TIAM1: variants seen among roughly 807,000 people sequenced by gnomAD.
TIAM1 encodes the protein rho guanine nucleotide exchange factor TIAM1.
A neutral mutation model predicts 163.5 loss-of-function variants in TIAM1; 65 were observed. That is an observed-to-expected ratio of 0.40 (90% confidence interval 0.33 to 0.49). The LOEUF (loss-of-function observed/expected upper bound fraction) is 0.49, where lower values mean the gene tolerates loss of function less well. TIAM1 is among the 20% of genes least tolerant of loss of function. The pLI is 0.77. For missense variants in TIAM1, 1,789 were observed against 2,044.7 expected (o/e 0.87, Z 2.41); for synonymous variants, 833 against 810.1 (o/e 1.03, Z -0.48).
chr21:31,170,519 G>A (rs2084451436), intron 15 of TIAM1, among the ~76,000 whole-genome samples: 1 of 151,986 alleles, frequency 6.6e-6, no homozygotes, highest in East Asian at 1.9e-4. Flanking sequence ...TAACACCCAG[G>A]ACAGTTTTTA....
At chr21:31,508,203 C>T (rs1210567925) in intron 1 of TIAM1, among the ~76,000 whole-genome samples, 1 of 151,144 alleles carries the variant, frequency 6.6e-6, no homozygotes, top group Non-Finnish European at 1.5e-5. Flanking sequence ...CTTCGAGCCT[C>T]CTGAACTGTG....
intron 1 of TIAM1, among the ~76,000 whole-genome samples, chr21:31,525,748 C>A (rs2047757772): frequency 6.6e-6 from 1 of 151,882 alleles, no homozygotes; most frequent in South Asian, 2.1e-4. Context: ...ATTATGTCAT[C>A]CGACGCCAGG....
chr21:31,462,812 C>T (rs527853443), intron 2 of TIAM1, among the ~76,000 whole-genome samples: 4 of 150,174 alleles, frequency 2.7e-5, no homozygotes, highest in Admixed American at 6.7e-5. Context: ...ATGCAATCTT[C>T]GCTCACTGCA....
rs2076374256 is a variant in TIAM1 at position 31,359,792 on chromosome 21, GAAAA to G, written c.-368-20374_-368-20371del. Among the ~76,000 whole-genome samples, 10 of 107,186 alleles carry G rather than the reference GAAAA, an allele frequency of 9.3e-5. No homozygotes were observed. In the Admixed American group the frequency reaches 9.4e-4, roughly 10 times the overall value. 70.3% of individuals were successfully genotyped at this position (107,186 alleles called of 152,430 possible). A position where few individuals can be genotyped will look rare whatever the true frequency, so the allele number is the denominator to read the frequency against. The stretch of plus-strand genomic sequence containing the variant: ...GACAGTCCACAACTCTGTCAAAAGA[GAAAA>G]AGAAAGAAAAAGGAAGGAAGGAAGG... On this transcript the variant is annotated intron_variant, in intron 2 of 28. Coordinates refer to the TIAM1 transcript ENST00000286827.
At chr21:31,309,609 G>A (rs2074847950) in intron 2 of TIAM1, among the ~76,000 whole-genome samples, 2 of 152,196 alleles carry the variant, frequency 1.3e-5, no homozygotes, top group African/African-American at 2.4e-5. Flanking sequence ...GGAGAGTCTG[G>A]CTGGCGTCCT....
intron 2 of TIAM1, among the ~76,000 whole-genome samples, chr21:31,338,338 TG>T (rs949534068): frequency 1.5e-4 from 23 of 152,304 alleles, no homozygotes; most frequent in African/African-American, 5.5e-4. Context: ...TCTCCTATTG[TG>T]TTCAATTTCT....
intron 2 of TIAM1, among the ~76,000 whole-genome samples, chr21:31,351,339 T>C (rs942545181): frequency 2.0e-5 from 3 of 152,212 alleles, no homozygotes; most frequent in African/African-American, 7.2e-5. Context: ...ACTTGCTGTA[T>C]GTTCCACTCA....
chr21:31,203,101 A>T (rs2086283934), intron 11 of TIAM1, 89 bp from the exon 12 acceptor site: 1 of 1,063,116 alleles, frequency 9.4e-7, no homozygotes, highest in African/African-American at 1.6e-5. Flanking sequence ...ATGTATTCCT[A>T]TGACCAATAG....
At chr21:31,212,067 T>G (rs1002634655) in intron 10 of TIAM1, among the ~76,000 whole-genome samples, 1 of 152,186 alleles carries the variant, frequency 6.6e-6, no homozygotes, top group African/African-American at 2.4e-5. Flanking sequence ...GCCCAAAAAC[T>G]GAATTTCTTC....
chr21:31,306,110 C>A (rs2074700735), intron 2 of TIAM1, among the ~76,000 whole-genome samples: 1 of 128,642 alleles, frequency 7.8e-6, no homozygotes. Context: ...CCACCAAGAC[C>A]TCATCTCTAC....
At chr21:31,334,982 G>A (rs868779474) in intron 2 of TIAM1, among the ~76,000 whole-genome samples, 5 of 152,162 alleles carry the variant, frequency 3.3e-5, no homozygotes, top group Middle Eastern at 3.4e-3. Flanking sequence ...AGGAGTTCCC[G>A]GAGTGGCCAT....
rs543628156 is a variant in TIAM1, at chr21:31,505,612, A to G, written c.-421-41577T>C. Reference sequence around the variant, plus strand: ...ATTGCAGAGAATTGTGGGGGAAAAAATCAGTGGATCAGCATTACCGTCTTA... The same window carrying G: ...ATTGCAGAGAATTGTGGGGGAAAAAGTCAGTGGATCAGCATTACCGTCTTA... On this transcript the variant is annotated intron_variant, in intron 1 of 28. Transcript: ENST00000286827. Among the ~76,000 whole-genome samples, 7 of 152,216 alleles carry G rather than the reference A, an allele frequency of 4.6e-5. No homozygotes were observed. In the South Asian group the frequency reaches 1.5e-3, roughly 32 times the overall value.
rs963907529 is a variant in TIAM1 at position 31,395,258 on chromosome 21, G to C, written c.-368-55836C>G. Among the ~76,000 whole-genome samples, 6 of 151,912 alleles carry C rather than the reference G, an allele frequency of 3.9e-5. No individual in the cohort carries two copies. The East Asian group carries it at 5.8e-4, about 15-fold the overall frequency. On this transcript the variant is annotated intron_variant, in intron 2 of 28. Transcript: ENST00000286827. The surrounding 1 kb of genome is among the most constrained non-coding windows in gnomAD (Gnocchi z 7.5). ...GTCTCAAAAAAAAAAAAGAGGAGGT[G>C]GGGGGAGAACAAAACTAGTAATTGG...
In TIAM1 at chr21:31,420,753, TC is replaced by T. The variant is rs1259642558; in HGVS notation, c.-369+43229del. ...TCAAAATAGTGGGTCAAATAGGGTCTCCCCAAAAAATTCACATCCACTCAGA... is the reference window on the plus strand; with the variant it reads ...TCAAAATAGTGGGTCAAATAGGGTCTCCCAAAAAATTCACATCCACTCAGA... On this transcript the variant is annotated intron_variant, in intron 2 of 28. Transcript: ENST00000286827. 2.0e-5 allele frequency among the ~76,000 whole-genome samples: 3 copies of T among 152,108 alleles called. No individual in the cohort carries two copies. In the South Asian group the frequency reaches 6.2e-4, roughly 32 times the overall value.
intron 4 of TIAM1, 135 bp downstream of exon 4, chr21:31,265,875 G>T: frequency 1.6e-6 from 2 of 1,244,344 alleles, no homozygotes; most frequent in Non-Finnish European, 2.2e-6. Context: ...TCCCAAAACA[G>T]CACCAGCTGC....
Position 31,201,406 on chromosome 21 carries a change from G to A in TIAM1, c.2493+1502C>T, listed in dbSNP as rs368160494. Among the ~76,000 whole-genome samples, 18 of 152,162 alleles carry A rather than the reference G, an allele frequency of 1.2e-4. 1 individual carries two copies. The highest frequency in any genetic ancestry group is 8.5e-4 in the Admixed American group (13 of 15,274). ...TTTTGATAATCTTCTATTGCATAAC[G>A]TGCTATAAGTGTTACAAAAGCACAC... On this transcript the variant is annotated intron_variant, in intron 12 of 27. Coordinates refer to ENST00000541036, the MANE Select transcript of TIAM1 (RefSeq NM_001353694.2).
chr21:31,327,229 G>A (rs538576473), intron 2 of TIAM1, among the ~76,000 whole-genome samples: 2 of 152,308 alleles, frequency 1.3e-5, no homozygotes, highest in Admixed American at 6.5e-5. Flanking sequence ...ACACTGGGCT[G>A]CAGAGAACCC....
rs200088088 is a variant in TIAM1 at position 31,152,714 on chromosome 21, T to C, written c.3288A>G (p.Val1096=). 16 of 1,614,182 alleles carry C rather than the reference T, an allele frequency of 9.9e-6. No homozygotes were observed. The highest frequency in any genetic ancestry group is 1.4e-5 in the Non-Finnish European group (16 of 1,180,014). ...GNLTEMVEFQ[V]EFLKTLEDGV... ...CATCTTCTAGAGTTTTAAGGAATTC[T>C]ACTTGAAACTCTACCATTTCCGTTA... The change falls in exon 19 of 28, where the codon GTA becomes GTG. Residue 1096 remains valine, a synonymous_variant. Coordinates refer to ENST00000541036, the MANE Select transcript of TIAM1 (RefSeq NM_001353694.2).
At chr21:31,187,526 T>C (rs913336771) in intron 13 of TIAM1, among the ~76,000 whole-genome samples, 2 of 152,194 alleles carry the variant, frequency 1.3e-5, no homozygotes, top group Non-Finnish European at 2.9e-5. Context: ...TGTATGACTA[T>C]ATGGACACTG....
Sources: allele counts gnomAD v4.1 joint callset (sites outside exome capture counted in the v4.1 genomes callset), GRCh38; gene constraint gnomAD v4.1.1; non-coding constraint Gnocchi (gnomAD v3.1); transcripts MANE v1.5; gene names NCBI Gene and HGNC (gene_info 2026-07-23, HGNC 2026-07-21).